The following CBFB variants were observed in gnomAD, a reference collection of about 807,000 sequenced individuals.
CBFB encodes CBF-beta.
In CBFB, 9 loss-of-function variants were observed where a neutral mutation model predicts 30.4. That is an observed-to-expected ratio of 0.30 (90% CI 0.18 to 0.52). CBFB has a LOEUF of 0.52. CBFB is among the 20% of genes least tolerant of loss of function. The pLI, the probability that CBFB is intolerant of heterozygous loss-of-function variation, is 0.97. For synonymous variants in CBFB, 94 were observed against 84.0 expected, an observed-to-expected ratio of 1.12 and a Z score of -0.65; for missense variants, 170 against 244.0, an observed-to-expected ratio of 0.70 and a Z score of 2.02.
chr16:67,060,498 T>A (rs1960879081), intron 3 of CBFB, among the ~76,000 whole-genome samples: 1 of 152,182 alleles, frequency 6.6e-6, no homozygotes, highest in African/African-American at 2.4e-5. Flanking sequence ...CTCCTTCGTG[T>A]TGCTCTGTTG....
chr16:67,089,889 C>T (rs1037068208), intron 5 of CBFB, among the ~76,000 whole-genome samples: 1 of 152,182 alleles, frequency 6.6e-6, no homozygotes, highest in Admixed American at 6.5e-5. Flanking sequence ...AATGGGGACT[C>T]AGTGGAAGCC....
intron 3 of CBFB, among the ~76,000 whole-genome samples, chr16:67,056,809 G>A (rs1247648846): frequency 6.6e-6 from 1 of 152,134 alleles, no homozygotes; most frequent in Non-Finnish European, 1.5e-5. Context: ...AGCCTCCTGA[G>A]TAGCTGGGAC....
At chr16:67,061,859 C>A (rs2145744644) in intron 3 of CBFB, among the ~76,000 whole-genome samples, 1 of 151,994 alleles carries the variant, frequency 6.6e-6, no homozygotes, top group African/African-American at 2.4e-5. Flanking sequence ...TGGTGAAACC[C>A]CGTCTCTACT....
Position 67,100,084 on chromosome 16 carries a change from A to C in CBFB, c.*1306A>C, listed in dbSNP as rs1567629083. Reference sequence around the variant, plus strand: ...ATTGCAACTTTTTTTTTAGATACAGAGTGGAAAACAGTGCTAAGTCATTTG... The same window carrying C: ...ATTGCAACTTTTTTTTTAGATACAGCGTGGAAAACAGTGCTAAGTCATTTG... On this transcript the variant is annotated 3_prime_UTR_variant, in exon 6 of 6. Coordinates refer to ENST00000412916, the MANE Select transcript of CBFB (RefSeq NM_022845.3). The C allele has an allele frequency of 4.7e-6, 1 of 212,398 alleles. No individual in the cohort carries two copies. The highest frequency in any genetic ancestry group is 2.3e-5 in the African/African-American group (1 of 44,200). The allele number at this position is 212,398 out of a possible 1,614,324, so 13.2% of individuals were successfully genotyped here.
At chr16:67,034,218 G>C (rs1966405240) in intron 2 of CBFB, among the ~76,000 whole-genome samples, 1 of 152,134 alleles carries the variant, frequency 6.6e-6, no homozygotes, top group South Asian at 2.1e-4. Context: ...AAGAAGTATG[G>C]TTACTCTGTG....
intron 3 of CBFB, among the ~76,000 whole-genome samples, chr16:67,045,295 C>T (rs1966604475): frequency 6.6e-6 from 1 of 152,076 alleles, no homozygotes. Context: ...GCAGGTGGAT[C>T]ACCTGAGGTC....
chr16:67,091,130 G>A (rs1397953678), intron 5 of CBFB, among the ~76,000 whole-genome samples: 2 of 152,124 alleles, frequency 1.3e-5, no homozygotes, highest in Non-Finnish European at 1.5e-5. Flanking sequence ...AATGAGAATC[G>A]GAAGAAGATT....
chr16:67,092,035 T>C (rs1007614349), intron 5 of CBFB, among the ~76,000 whole-genome samples: 9 of 152,190 alleles, frequency 5.9e-5, no homozygotes, highest in Non-Finnish European at 1.2e-4. Context: ...GCATTAGGTA[T>C]TTTTCCTAAT....
At chr16:67,052,294 G>C (rs529869806) in intron 3 of CBFB, among the ~76,000 whole-genome samples, 1 of 152,296 alleles carries the variant, frequency 6.6e-6, no homozygotes, top group East Asian at 1.9e-4. Flanking sequence ...ACTAGGCCGA[G>C]TGCAGTTACT....
intron 3 of CBFB, among the ~76,000 whole-genome samples, chr16:67,045,584 C>T (rs1170798025): frequency 6.6e-6 from 1 of 152,052 alleles, no homozygotes; most frequent in Non-Finnish European, 1.5e-5. Flanking sequence ...GTACGTGAAT[C>T]TGCATACATG....
At chr16:67,046,697 A>G (rs1206790314) in intron 3 of CBFB, among the ~76,000 whole-genome samples, 18 of 152,270 alleles carry the variant, frequency 1.2e-4, no homozygotes, top group Admixed American at 1.1e-3. Flanking sequence ...GCAGACATAC[A>G]TGCACTGATA....
intron 5 of CBFB, among the ~76,000 whole-genome samples, chr16:67,097,073 A>C (rs1962069732): frequency 6.6e-6 from 1 of 152,070 alleles, no homozygotes. Context: ...TGTCTCTACA[A>C]AGAATACAAA....
chr16:67,066,673 G>C lies in CBFB; in HGVS notation c.283-9G>C. Reference sequence around the variant, plus strand: ...TTTTCAATTATTTTCATCCTTTTCTGTGTCTTAGGTATATTTGAAGGCTCC... The same window carrying C: ...TTTTCAATTATTTTCATCCTTTTCTCTGTCTTAGGTATATTTGAAGGCTCC... On this transcript the variant is annotated splice_polypyrimidine_tract_variant and intron_variant, in intron 3 of 5. Coordinates refer to ENST00000412916, the MANE Select transcript of CBFB (RefSeq NM_022845.3). 2 of 1,423,342 alleles carry C rather than the reference G, an allele frequency of 1.4e-6. No homozygotes were observed. Among genetic ancestry groups the C allele is most frequent in the Non-Finnish European group, 2.0e-6 (2 of 1,010,402 alleles). The allele number at this position is 1,423,342 out of a possible 1,614,324, so 88.2% of individuals were successfully genotyped here.
intron 2 of CBFB, 57 bp downstream of exon 2, chr16:67,029,870 C>T (rs910595783): frequency 6.2e-6 from 8 of 1,299,500 alleles, no homozygotes; most frequent in Middle Eastern, 2.5e-4. Flanking sequence ...GCCGCGGCGG[C>T]CCAGGCCGGT....
chr16:67,068,210 G>A (rs1961112070), intron 4 of CBFB, among the ~76,000 whole-genome samples: 1 of 152,178 alleles, frequency 6.6e-6, no homozygotes, highest in Non-Finnish European at 1.5e-5. Context: ...TGTGCGCAGT[G>A]GCTCATGCTT....
intron 4 of CBFB, among the ~76,000 whole-genome samples, chr16:67,072,336 C>T (rs562566831): frequency 6.6e-6 from 1 of 152,232 alleles, no homozygotes; most frequent in South Asian, 2.1e-4. Flanking sequence ...ATCTTCTGAA[C>T]ATTAAGATTA....
chr16:67,052,923 A>G (rs1420088431), intron 3 of CBFB, among the ~76,000 whole-genome samples: 1 of 151,728 alleles, frequency 6.6e-6, no homozygotes, highest in African/African-American at 2.4e-5. Context: ...TGTTCATACC[A>G]CAGAGCAAGA....
intron 4 of CBFB, among the ~76,000 whole-genome samples, chr16:67,081,642 A>C (rs551569019): frequency 1.3e-5 from 2 of 151,986 alleles, no homozygotes; most frequent in African/African-American, 4.8e-5. Context: ...TCTCTACAAA[A>C]ACTAAAAAAA....
At chr16:67,034,772 C>T (rs550875059) in intron 2 of CBFB, among the ~76,000 whole-genome samples, 2 of 152,296 alleles carry the variant, frequency 1.3e-5, no homozygotes, top group African/African-American at 4.8e-5. Context: ...GATTTTGACA[C>T]GGGGCAGTCG....
Sources: allele counts gnomAD v4.1 joint callset (sites outside exome capture counted in the v4.1 genomes callset), GRCh38; gene constraint gnomAD v4.1.1; transcripts MANE v1.5; gene names NCBI Gene and HGNC (gene_info 2026-07-23, HGNC 2026-07-21).